The following MBD5 variants were observed in gnomAD, a reference collection of about 807,000 sequenced individuals.
MBD5 encodes methyl-CpG binding domain protein 5.
MBD5 carries 13 observed loss-of-function variants against 117.3 expected under a neutral mutation model. That is an observed-to-expected ratio of 0.11 (90% CI 0.07 to 0.18). The LOEUF is 0.18. Among genes scored for constraint, MBD5 ranks in the 10% least tolerant of loss-of-function variants. The probability of loss-of-function intolerance (pLI) is 1.00; values close to 1 mark genes in which losing one functional copy is unlikely to be tolerated. For synonymous variants in MBD5, 727 were observed against 766.4 expected, an observed-to-expected ratio of 0.95 and a Z score of 0.85; for missense variants, 1,879 against 2,093.8, an observed-to-expected ratio of 0.90 and a Z score of 2.00.
At chr2:148,447,298 G>T (rs922647853) in intron 4 of MBD5, among the ~76,000 whole-genome samples, 1 of 151,850 alleles carries the variant, frequency 6.6e-6, no homozygotes, top group Admixed American at 6.6e-5. Flanking sequence ...AAATTGGATG[G>T]TTCTCTGTAC....
At chr2:148,040,526 G>A (rs915367644) in intron 1 of MBD5, among the ~76,000 whole-genome samples, 6 of 151,922 alleles carry the variant, frequency 3.9e-5, no homozygotes, top group African/African-American at 7.3e-5. Context: ...GTATATATGG[G>A]TATTTATATC....
At chr2:148,213,527 T>G (rs1336686720) in intron 2 of MBD5, among the ~76,000 whole-genome samples, 1 of 152,164 alleles carries the variant, frequency 6.6e-6, no homozygotes, top group Non-Finnish European at 1.5e-5. Flanking sequence ...CAAACTAGTA[T>G]TTAGGTGGAT....
chr2:148,174,782 CA>C (rs55950137), intron 1 of MBD5, among the ~76,000 whole-genome samples: 94,846 of 147,176 alleles, frequency 0.64, 30,950 homozygotes, highest in African/African-American at 0.81. Flanking sequence ...TGACCATTAC[CA>C]AAAAAAAAAA....
intron 1 of MBD5, among the ~76,000 whole-genome samples, chr2:148,042,667 G>A (rs1694396694): frequency 6.6e-6 from 1 of 151,780 alleles, no homozygotes; most frequent in African/African-American, 2.4e-5. Context: ...TACAAATAAG[G>A]TAAATAAGAA....
intron 4 of MBD5, among the ~76,000 whole-genome samples, chr2:148,425,035 A>G (rs1356195240): frequency 6.6e-6 from 1 of 152,222 alleles, no homozygotes; most frequent in African/African-American, 2.4e-5. Flanking sequence ...AACTAACATC[A>G]GAGCAGAACT....
At chr2:148,116,636 CT>C (rs1251186825) in intron 1 of MBD5, among the ~76,000 whole-genome samples, 2 of 152,052 alleles carry the variant, frequency 1.3e-5, no homozygotes, top group African/African-American at 4.8e-5. Context: ...TAGTATAGTT[CT>C]GCTTTATTGA....
chr2:148,303,062 GT>G (rs1240020210), intron 3 of MBD5, among the ~76,000 whole-genome samples: 1 of 151,734 alleles, frequency 6.6e-6, no homozygotes, highest in Non-Finnish European at 1.5e-5. Flanking sequence ...GTCTCAGAAA[GT>G]GAAATAATGA....
chr2:148,146,098 T>TAAC (rs761311322), intron 1 of MBD5, among the ~76,000 whole-genome samples: 1 of 152,210 alleles, frequency 6.6e-6, no homozygotes, highest in Non-Finnish European at 1.5e-5. Context: ...GCAGAACATT[T>TAAC]AACAACAACA....
At chr2:148,439,458 C>G (rs1175350489) in intron 4 of MBD5, among the ~76,000 whole-genome samples, 2 of 152,014 alleles carry the variant, frequency 1.3e-5, no homozygotes, top group Non-Finnish European at 2.9e-5. Flanking sequence ...TGGTTCTGGT[C>G]CATTTTTTAT....
chr2:148,343,171 C>T (rs1410375989), intron 4 of MBD5, among the ~76,000 whole-genome samples: 1 of 152,016 alleles, frequency 6.6e-6, no homozygotes, highest in East Asian at 1.9e-4. Flanking sequence ...TTTATCCAGT[C>T]CACCACTGAT....
chr2:148,230,116 C>A (rs777171053), intron 2 of MBD5, among the ~76,000 whole-genome samples: 3 of 152,224 alleles, frequency 2.0e-5, no homozygotes, highest in African/African-American at 4.8e-5. Flanking sequence ...GCCAGCCAGG[C>A]CTGTATCCTT....
In MBD5 at chr2:148,489,821, G is replaced by T. The variant is rs534413662; in HGVS notation, c.4189G>T (p.Ala1397Ser). 1 of 1,614,004 alleles carries T rather than the reference G, an allele frequency of 6.2e-7. No homozygotes were observed. Among genetic ancestry groups the T allele is most frequent in the African/African-American group, 1.3e-5 (1 of 74,908 alleles). The change falls in exon 11 of 14, where the codon GCT becomes TCT. Residue 1397 changes from alanine (A) to serine (S), a missense_variant. Physicochemically the swap from Ala to Ser is moderately conservative, Grantham distance 99. Transcript: ENST00000642680. ...HDGRLRNSRG[A>S]RLPKNLDHGK... Reference sequence around the variant, plus strand: ...TGGTAGGCTGAGGAATTCAAGAGGGGCTCGGCTGCCCAAGAATCTAGACCA... The same window carrying T: ...TGGTAGGCTGAGGAATTCAAGAGGGTCTCGGCTGCCCAAGAATCTAGACCA...
chr2:148,226,429 A>T (rs1447068007), intron 2 of MBD5, among the ~76,000 whole-genome samples: 1 of 152,170 alleles, frequency 6.6e-6, no homozygotes, highest in African/African-American at 2.4e-5. Context: ...ATGTCCCTAC[A>T]AAGGACATAA....
chr2:148,460,357 C>G (rs922465589), intron 5 of MBD5: 3 of 152,084 alleles, frequency 2.0e-5, no homozygotes, highest in African/African-American at 7.2e-5. Context: ...CATCTGATAT[C>G]CTTGTTAGTA....
intron 1 of MBD5, among the ~76,000 whole-genome samples, chr2:148,030,305 C>A (rs550293027): frequency 2.6e-5 from 4 of 152,002 alleles, no homozygotes. Context: ...GAAATACTCT[C>A]AAGTGTATCT....
chr2:148,173,528 A>G (rs968405755), intron 1 of MBD5, among the ~76,000 whole-genome samples: 1 of 152,196 alleles, frequency 6.6e-6, no homozygotes, highest in African/African-American at 2.4e-5. Context: ...TCAAGTGGAC[A>G]GAATGAGCCC....
chr2:148,243,187 T>C (rs752391200), intron 3 of MBD5, among the ~76,000 whole-genome samples: 26 of 152,154 alleles, frequency 1.7e-4, no homozygotes, highest in Non-Finnish European at 2.4e-4. Context: ...TTCAAATTGA[T>C]TTTATTTTTA....
intron 1 of MBD5, among the ~76,000 whole-genome samples, chr2:148,121,795 A>G (rs1281407081): frequency 1.3e-5 from 2 of 152,188 alleles, no homozygotes; most frequent in Non-Finnish European, 2.9e-5. Flanking sequence ...TGAAAAAACT[A>G]CATTTCTAGG....
rs1681465496 is a variant in MBD5 at position 148,489,873 on chromosome 2, G to A, written c.4241G>A (p.Gly1414Glu). ...GGGAAAAATGTGAACGAAGGAGATG[G>A]GTTTGAATATTTCAAGTCAGCAAGT... is the stretch of plus-strand genomic sequence containing the variant. ...DHGKNVNEGD[G>E]FEYFKSASCH... The change falls in exon 11 of 14, where the codon GGG becomes GAG. Residue 1414 changes from glycine (G) to glutamate (E), a missense_variant. Physicochemically the swap from Gly to Glu is moderately conservative, Grantham distance 98 (BLOSUM62 -2). Transcript: ENST00000642680. 1.2e-6 allele frequency: 2 copies of A among 1,613,966 alleles called. No homozygotes were observed. The highest frequency in any genetic ancestry group is 1.7e-5 in the Admixed American group (1 of 59,996).
Sources: allele counts gnomAD v4.1 joint callset (sites outside exome capture counted in the v4.1 genomes callset), GRCh38; gene constraint gnomAD v4.1.1; transcripts MANE v1.5; gene names NCBI Gene and HGNC (gene_info 2026-07-23, HGNC 2026-07-21).